TTLL9: variants seen among roughly 807,000 people sequenced by gnomAD.
TTLL9 encodes the protein probable tubulin polyglutamylase TTLL9.
A neutral mutation model predicts 65.6 loss-of-function variants in TTLL9; 47 were observed. The observed-to-expected ratio is 0.72, with a 90% CI of 0.57 to 0.91. The LOEUF (loss-of-function observed/expected upper bound fraction) is 0.91. TTLL9 is among the 40% of genes least tolerant of loss of function. The pLI is 0.00. For missense variants in TTLL9, 537 were observed against 568.8 expected, an observed-to-expected ratio of 0.94 and a Z score of 0.57; for synonymous variants, 179 against 204.8, an observed-to-expected ratio of 0.87 and a Z score of 1.07.
chr20:31,913,076 C>T (rs2063680814), intron 6 of TTLL9, among the ~76,000 whole-genome samples: 1 of 152,068 alleles, frequency 6.6e-6, no homozygotes, highest in Admixed American at 6.6e-5. Flanking sequence ...GGGAGGACCA[C>T]TTGGGCCTAG....
chr20:31,907,473 G>C (rs1378749473), intron 4 of TTLL9, among the ~76,000 whole-genome samples: 2 of 152,206 alleles, frequency 1.3e-5, no homozygotes. Context: ...TATAATCCCA[G>C]CACTTTGGGA....
intron 9 of TTLL9, chr20:31,925,769 G>T: frequency 2.9e-6 from 3 of 1,026,706 alleles, no homozygotes; most frequent in Non-Finnish European, 4.4e-6. Flanking sequence ...AGACATAAGG[G>T]CACTCCGGGT....
chr20:31,882,076 C>T (rs545589641), intron 2 of TTLL9, among the ~76,000 whole-genome samples: 4 of 152,126 alleles, frequency 2.6e-5, no homozygotes, highest in Non-Finnish European at 4.4e-5. Flanking sequence ...TGAGCAGGAA[C>T]GTTCATGTCA....
Position 31,870,684 on chromosome 20 carries a change from GTGGGGCCGCC to G in TTLL9, c.-270_-261del. The G allele has an allele frequency of 1.9e-6, 2 of 1,029,830 alleles. No homozygotes were observed. Among genetic ancestry groups the G allele is most frequent in the East Asian group, 3.2e-5 (1 of 31,050 alleles). 63.8% of individuals were successfully genotyped at this position (1,029,830 alleles called of 1,614,324 possible). ...GACAACGGCAGTTTGTTGGGGCCGC[GTGGGGCCGCC>G]ACCTCCGGAGGTGGGGGCGGGGGCC... On this transcript the variant is annotated 5_prime_UTR_variant, in exon 1 of 15. Coordinates refer to ENST00000535842, the MANE Select transcript of TTLL9 (RefSeq NM_001008409.5). This position sits in a 1 kb window ranked among gnomAD's most constrained non-coding sequence, Gnocchi z 6.6.
In TTLL9 at chr20:31,908,573, C is replaced by T; in HGVS notation, c.207-18C>T. 1 of 1,590,072 alleles carries T rather than the reference C, an allele frequency of 6.3e-7. No homozygotes were observed. The highest frequency in any genetic ancestry group is 8.6e-7 in the Non-Finnish European group (1 of 1,158,404). On this transcript the variant is annotated intron_variant, in intron 4 of 14. Transcript: ENST00000535842. Reference sequence around the variant, plus strand: ...CCTCAGACCATGACCTTTATCCCCGCCCCCACCCCACCCCCAGCGAAGGGG... The same window carrying T: ...CCTCAGACCATGACCTTTATCCCCGTCCCCACCCCACCCCCAGCGAAGGGG...
intron 6 of TTLL9, among the ~76,000 whole-genome samples, chr20:31,910,696 A>T (rs1421663394): frequency 6.6e-6 from 1 of 152,252 alleles, no homozygotes; most frequent in Admixed American, 6.5e-5. Flanking sequence ...TAACACAGGT[A>T]AAGCACATAG....
intron 4 of TTLL9, among the ~76,000 whole-genome samples, chr20:31,907,243 G>C (rs1600569884): frequency 6.6e-6 from 1 of 152,106 alleles, no homozygotes. Context: ...CTGTAAAATG[G>C]GTATAATAAC....
chr20:31,939,455 A>G, intron 14 of TTLL9, 189 bp downstream of exon 14: 2 of 537,362 alleles, frequency 3.7e-6, no homozygotes, highest in South Asian at 7.1e-5. Context: ...AAAAGTGAAA[A>G]CTTTCCCTGA....
At chr20:31,907,908 G>A (rs933180383) in intron 4 of TTLL9, among the ~76,000 whole-genome samples, 4 of 152,070 alleles carry the variant, frequency 2.6e-5, no homozygotes, top group African/African-American at 9.7e-5. Context: ...ATTTCCTGTG[G>A]CATCTTTTTC....
intron 3 of TTLL9, among the ~76,000 whole-genome samples, chr20:31,891,430 A>G (rs2063306001): frequency 6.6e-6 from 1 of 151,250 alleles, no homozygotes; most frequent in African/African-American, 2.4e-5. Flanking sequence ...TTTCGGGTCT[A>G]TTGCATGTAT....
chr20:31,915,756 GT>G (rs903814679), intron 6 of TTLL9, among the ~76,000 whole-genome samples: 1 of 151,764 alleles, frequency 6.6e-6, no homozygotes, highest in Non-Finnish European at 1.5e-5. Context: ...AAGGGTGTGT[GT>G]TTTTTTTCAA....
intron 2 of TTLL9, among the ~76,000 whole-genome samples, chr20:31,873,832 G>GAA (rs200723467): frequency 1.8e-3 from 133 of 75,756 alleles, no homozygotes; most frequent in African/African-American, 3.5e-3. Flanking sequence ...AAGAAAGAAA[G>GAA]AAAGAAAGAA....
intron 2 of TTLL9, chr20:31,884,155 T>C (rs1214529602): frequency 2.3e-6 from 1 of 432,946 alleles, no homozygotes; most frequent in East Asian, 3.5e-5. Context: ...TTCCAATGTC[T>C]GCTTTAACAA....
chr20:31,925,276 C>T (rs1464093371), intron 9 of TTLL9, among the ~76,000 whole-genome samples: 1 of 152,212 alleles, frequency 6.6e-6, no homozygotes, highest in East Asian at 1.9e-4. Context: ...CTCTGCCCTT[C>T]TTTATTCATT....
At position 31,909,864 on chromosome 20, in the gene TTLL9, A is replaced by G. The variant is rs1236423566; in HGVS notation, c.446A>G (p.Tyr149Cys). ...AAAACCTTTGAGATGCCTTGCGAGTACCACCTGTTTGTAGAGGAGTTTCGC... is the reference window on the plus strand; with the variant it reads ...AAAACCTTTGAGATGCCTTGCGAGTGCCACCTGTTTGTAGAGGAGTTTCGC... ...FPKTFEMPCE[Y>C]HLFVEEFRKN... The change falls in exon 6 of 15, where the codon TAC (tyrosine) becomes TGC (cysteine). Residue 149 changes from tyrosine (Y) to cysteine (C), a missense_variant. Physicochemically the swap from Tyr to Cys is radical, Grantham distance 194. Coordinates refer to ENST00000535842, the MANE Select transcript of TTLL9 (RefSeq NM_001008409.5). The G allele has an allele frequency of 6.2e-7, 1 of 1,613,012 alleles. No homozygotes were observed. Among genetic ancestry groups the G allele is most frequent in the Non-Finnish European group, 8.5e-7 (1 of 1,179,550 alleles).
At chr20:31,908,271 T>C (rs1297410890) in intron 4 of TTLL9, among the ~76,000 whole-genome samples, 4 of 152,024 alleles carry the variant, frequency 2.6e-5, no homozygotes, top group Non-Finnish European at 5.9e-5. Context: ...ATGGGGACTG[T>C]GGTTTGAGGA....
At chr20:31,874,819 G>T (rs2063015306) in intron 2 of TTLL9, among the ~76,000 whole-genome samples, 1 of 152,182 alleles carries the variant, frequency 6.6e-6, no homozygotes, top group South Asian at 2.1e-4. Flanking sequence ...AATCAGAGGG[G>T]ATGAGATGAC....
chr20:31,878,859 G>A (rs1466047428), intron 2 of TTLL9, among the ~76,000 whole-genome samples: 1 of 152,002 alleles, frequency 6.6e-6, no homozygotes, highest in Non-Finnish European at 1.5e-5. Context: ...GATCTAATAA[G>A]ATCTATGCAT....
At chr20:31,909,958 A>G (rs968038384) in intron 6 of TTLL9, 36 bp downstream of exon 6, 1 of 1,565,186 alleles carries the variant, frequency 6.4e-7, no homozygotes, top group Non-Finnish European at 8.8e-7. Flanking sequence ...GTGGGAGGGA[A>G]TGAGTCCCAG....
Sources: gnomAD v4.1 joint callset for allele counts (sites outside exome capture counted in the v4.1 genomes callset) on GRCh38, gnomAD v4.1.1 for gene constraint, Gnocchi (gnomAD v3.1) non-coding constraint, MANE v1.5 for transcripts, NCBI Gene and HGNC (gene_info 2026-07-23, HGNC 2026-07-21) for gene names.